LRRC9: variants seen among roughly 807,000 people sequenced by gnomAD.
LRRC9 encodes the protein leucine rich repeat containing 9, also known as leucine-rich repeat-containing protein 9.
Under a neutral mutation model 63.2 loss-of-function variants are expected in LRRC9, and 122 were observed. The observed-to-expected ratio is 1.93, with a 90% CI of 1.67 to 2.24. The LOEUF (loss-of-function observed/expected upper bound fraction) is 2.24. Ranked by LOEUF, LRRC9 falls within the 30% of genes most tolerant of loss-of-function variation. The pLI, the probability that LRRC9 is intolerant of heterozygous loss-of-function variation, is 0.00. For missense variants in LRRC9, 1,071 were observed against 627.7 expected, an observed-to-expected ratio of 1.71 and a Z score of -7.55; for synonymous variants, 366 against 213.1, an observed-to-expected ratio of 1.72 and a Z score of -6.25.
At chr14:60,040,441 C>T (rs909247436) in intron 29 of LRRC9, among the ~76,000 whole-genome samples, 2 of 151,900 alleles carry the variant, frequency 1.3e-5, no homozygotes, top group Admixed American at 6.5e-5. Context: ...AATCTGGGTG[C>T]TCCTGTATTG....
chr14:60,054,964 T>G (rs1395277081), intron 30 of LRRC9, among the ~76,000 whole-genome samples: 1 of 152,214 alleles, frequency 6.6e-6, no homozygotes, highest in Non-Finnish European at 1.5e-5. Context: ...TTTGCCATGT[T>G]GGCCAAGCTA....
At position 60,060,005 on chromosome 14, in the gene LRRC9, G is replaced by A. The variant is rs1335180904; in HGVS notation, c.4276+1983G>A. 6.6e-6 allele frequency among the ~76,000 whole-genome samples: 1 copy of A among 152,198 alleles called. No individual in the cohort carries two copies. Among genetic ancestry groups the A allele is most frequent in the Non-Finnish European group, 1.5e-5 (1 of 68,028 alleles). ...ACTGGCTTCAAAGCTTCAAAGGACA[G>A]TCTGACTCTCTTGTTAGGGGCTAGT... On this transcript the variant is annotated intron_variant, in intron 31 of 31. Coordinates refer to ENST00000445360, the Ensembl canonical transcript of LRRC9. This position sits in a 1 kb window ranked among gnomAD's most constrained non-coding sequence, Gnocchi z 4.0.
chr14:59,989,747 G>A (rs1887855342), intron 17 of LRRC9, among the ~76,000 whole-genome samples: 2 of 152,002 alleles, frequency 1.3e-5, no homozygotes, highest in Non-Finnish European at 2.9e-5. Context: ...ACTTTTCTCT[G>A]CTCATTTGTA....
At position 60,017,008 on chromosome 14, in the gene LRRC9, G is replaced by A. The variant is rs919494496; in HGVS notation, c.3317+218G>A. Among the ~76,000 whole-genome samples, 2 of 151,782 alleles carry A rather than the reference G, an allele frequency of 1.3e-5. No individual in the cohort carries two copies. Among genetic ancestry groups the A allele is most frequent in the East Asian group, 1.9e-4 (1 of 5,138 alleles). ...CAGCTTCAACCTTGCAGGCTCAATC[G>A]ATCCTCCGACTATAGGCACGCACCA... On this transcript the variant is annotated intron_variant, in intron 24 of 31. Transcript: ENST00000445360. This position sits in a 1 kb window ranked among gnomAD's most constrained non-coding sequence, Gnocchi z 4.0.
intron 8 of LRRC9, among the ~76,000 whole-genome samples, chr14:59,948,336 T>A (rs2139885926): frequency 6.9e-6 from 1 of 144,612 alleles, no homozygotes; most frequent in African/African-American, 2.6e-5. Context: ...TAGGAATGCT[T>A]GTGATTTTTG....
In LRRC9 at chr14:59,954,321, T is replaced by C. The variant is rs189988866; in HGVS notation, c.883-5497T>C. Among the ~76,000 whole-genome samples the C allele has an allele frequency of 2.2e-4, 34 of 152,262 alleles. No individual in the cohort carries two copies. The East Asian group carries it at 4.8e-3, about 22-fold the overall frequency. ...ATGGAATGTTTTTCCATTTTTTTTG[T>C]GTCCTCTCTTATTTCCTTGAGCAGT... On this transcript the variant is annotated intron_variant, in intron 8 of 31. Coordinates refer to ENST00000445360, the Ensembl canonical transcript of LRRC9.
At chr14:59,997,958 T>C (rs1046629676) in intron 18 of LRRC9, 111 bp downstream of exon 18, 166 of 564,182 alleles carry the variant, frequency 2.9e-4, no homozygotes, top group Non-Finnish European at 2.7e-4. Context: ...TCTTCGTTTT[T>C]CTAGACTTCC....
intron 27 of LRRC9, among the ~76,000 whole-genome samples, chr14:60,025,067 T>G (rs1891426469): frequency 6.6e-6 from 1 of 151,368 alleles, no homozygotes; most frequent in South Asian, 2.1e-4. Context: ...TTTTTGTTTT[T>G]GGTTTTTTTT....
chr14:59,981,789 G>C (rs1436159630), intron 15 of LRRC9, 59 bp from the exon 16 acceptor site: 1 of 644,664 alleles, frequency 1.6e-6, no homozygotes, highest in African/African-American at 1.8e-5. Context: ...TAGCTTGTTT[G>C]TTTTTCAAAA....
At chr14:59,956,385 A>T (rs1178911951) in intron 8 of LRRC9, among the ~76,000 whole-genome samples, 1 of 152,144 alleles carries the variant, frequency 6.6e-6, no homozygotes, top group Non-Finnish European at 1.5e-5. Context: ...CTTTACCATT[A>T]TGTAATACCC....
chr14:59,952,434 A>G (rs1883265199), intron 8 of LRRC9, among the ~76,000 whole-genome samples: 1 of 152,056 alleles, frequency 6.6e-6, no homozygotes, highest in Non-Finnish European at 1.5e-5. Flanking sequence ...GGTACCTCAG[A>G]TGGAAATGCA....
chr14:60,061,323 C>G (rs1332445538), intron 31 of LRRC9, among the ~76,000 whole-genome samples: 1 of 152,198 alleles, frequency 6.6e-6, no homozygotes, highest in Non-Finnish European at 1.5e-5. Context: ...GCCACCCCGG[C>G]CTTCAGCAGC....
intron 22 of LRRC9, among the ~76,000 whole-genome samples, chr14:60,007,075 C>G (rs1295078326): frequency 1.3e-5 from 2 of 152,186 alleles, no homozygotes; most frequent in Non-Finnish European, 2.9e-5. Flanking sequence ...CAGGAATTTA[C>G]TTCAAATGTC....
chr14:59,975,872 G>C (rs1315226665), intron 13 of LRRC9, among the ~76,000 whole-genome samples: 1 of 152,190 alleles, frequency 6.6e-6, no homozygotes, highest in African/African-American at 2.4e-5. Flanking sequence ...CCCACAGACT[G>C]GTTGCAGTTT....
intron 26 of LRRC9, among the ~76,000 whole-genome samples, 174 bp downstream of exon 26, chr14:60,019,434 C>T (rs1890945418): frequency 6.6e-6 from 1 of 151,762 alleles, no homozygotes; most frequent in Admixed American, 6.6e-5. Flanking sequence ...AAAAGGTACT[C>T]AAAATATTTC....
At chr14:59,969,059 G>C (rs182868035) in intron 12 of LRRC9, 1 of 152,224 alleles carries the variant, frequency 6.6e-6, no homozygotes, top group Admixed American at 6.5e-5. Context: ...ATTTTATTAA[G>C]ATTTGCCAAA....
chr14:59,980,962 CTG>C (rs1886863533), intron 15 of LRRC9, among the ~76,000 whole-genome samples: 1 of 152,100 alleles, frequency 6.6e-6, no homozygotes. Flanking sequence ...TTCTTCTCTT[CTG>C]GAAAGTTTGC....
rs576174004 is a variant in LRRC9 at position 59,925,956 on chromosome 14, T to G, written c.-33-1955T>G. On this transcript the variant is annotated intron_variant, in intron 1 of 31. Transcript: ENST00000445360. ...CTTGTGATAGTGAATTCTCACAAGATCTGATGATTCTACAAGGGGCTTCCC... is the reference window on the plus strand; with the variant it reads ...CTTGTGATAGTGAATTCTCACAAGAGCTGATGATTCTACAAGGGGCTTCCC... Among the ~76,000 whole-genome samples the G allele has an allele frequency of 1.1e-4, 16 of 152,294 alleles. No homozygotes were observed. In the South Asian group the frequency reaches 1.7e-3, roughly 16 times the overall value.
chr14:60,009,840 C>T (rs1031388131), intron 23 of LRRC9, among the ~76,000 whole-genome samples: 5 of 152,272 alleles, frequency 3.3e-5, no homozygotes, highest in South Asian at 2.1e-4. Flanking sequence ...GGCTACAGGC[C>T]GCATGCAAGC....
Sources: gnomAD v4.1 joint callset for allele counts (sites outside exome capture counted in the v4.1 genomes callset) on GRCh38, gnomAD v4.1.1 for gene constraint, Gnocchi (gnomAD v3.1) non-coding constraint, MANE v1.5 for transcripts, NCBI Gene and HGNC (gene_info 2026-07-23, HGNC 2026-07-21) for gene names.